Variants in FAM234A observed in about 807,000 individuals in gnomAD.
FAM234A encodes protein FAM234A.
In FAM234A, 42 loss-of-function variants were observed where a neutral mutation model predicts 49.1. That is an observed-to-expected ratio of 0.86 (90% CI 0.67 to 1.11). The LOEUF (loss-of-function observed/expected upper bound fraction) is 1.11, where lower values mean the gene tolerates loss of function less well. FAM234A is among the 50% of genes least tolerant of loss of function. The probability of loss-of-function intolerance (pLI) is 0.00; values close to 1 mark genes in which losing one functional copy is unlikely to be tolerated. For missense variants in FAM234A, 815 were observed against 745.2 expected (o/e 1.09, Z -1.09); for synonymous variants, 369 against 316.2 (o/e 1.17, Z -1.77).
At chr16:269,397 G>T, downstream of FAM234A, 1 of 1,596,782 alleles carries the variant, frequency 6.3e-7, no homozygotes. Flanking sequence ...TGGGCGAGAA[G>T]GCGGCTGAGA....
intron 11 of FAM234A, among the ~76,000 whole-genome samples, 172 bp from the exon 12 acceptor site, chr16:264,442 C>T (rs549090996): frequency 6.6e-6 from 1 of 152,304 alleles, no homozygotes; most frequent in South Asian, 2.1e-4. Flanking sequence ...GTGTCAGGAC[C>T]AGGTGGGGTG....
intron 2 of FAM234A, among the ~76,000 whole-genome samples, chr16:252,964 G>T (rs571632488): frequency 6.6e-6 from 1 of 152,160 alleles, no homozygotes; most frequent in Non-Finnish European, 1.5e-5. Flanking sequence ...AAATCTGCAT[G>T]ATCACGTCCA....
chr16:249,354 T>C (rs1244320982), intron 1 of FAM234A, among the ~76,000 whole-genome samples, 195 bp from the exon 2 acceptor site: 1 of 151,928 alleles, frequency 6.6e-6, no homozygotes, highest in Non-Finnish European at 1.5e-5. Flanking sequence ...CAGCAGCTGC[T>C]CCTGACTGGG....
At chr16:249,835 C>G (rs1345289725) in intron 2 of FAM234A, among the ~76,000 whole-genome samples, 181 bp downstream of exon 2, 6 of 152,034 alleles carry the variant, frequency 3.9e-5, no homozygotes, top group Admixed American at 3.3e-4. Flanking sequence ...TTTTAAAGCT[C>G]TTAAGTTTAA....
At chr16:257,339 G>C (rs1001388418) in intron 3 of FAM234A, among the ~76,000 whole-genome samples, 1 of 136,600 alleles carries the variant, frequency 7.3e-6, no homozygotes, top group African/African-American at 2.7e-5. Context: ...TCCACCTCCC[G>C]GGTTCAAGCG....
At chr16:268,611 C>G, downstream of FAM234A, 1 of 661,774 alleles carries the variant, frequency 1.5e-6, no homozygotes, top group Non-Finnish European at 2.6e-6. Flanking sequence ...TCAGAGTTGT[C>G]TATAAATCGG....
Position 249,538 on chromosome 16 carries a change from A to G in FAM234A, c.-139-11A>G, listed in dbSNP as rs546322776. ...TGAGCTGCACTTGACAAGTGGCTTT[A>G]TGATCCCTAGGTCCACCTGGGCTTG... On this transcript the variant is annotated splice_polypyrimidine_tract_variant and intron_variant, in intron 1 of 12. Transcript: ENST00000399932. 33 of 152,130 alleles carry G rather than the reference A, an allele frequency of 2.2e-4. 1 individual carries two copies. The highest frequency in any genetic ancestry group is 8.0e-4 in the African/African-American group (33 of 41,390). 9.4% of individuals were successfully genotyped at this position (152,130 alleles called of 1,614,324 possible).
chr16:242,155 A>ACAG (rs2142242661), intron 1 of FAM234A, among the ~76,000 whole-genome samples: 1 of 152,104 alleles, frequency 6.6e-6, no homozygotes, highest in Non-Finnish European at 1.5e-5. Flanking sequence ...TAGCCTGTGG[A>ACAG]CTCCCTGGAG....
At chr16:253,602 G>A (rs1158018410) in intron 2 of FAM234A, among the ~76,000 whole-genome samples, 1 of 151,954 alleles carries the variant, frequency 6.6e-6, no homozygotes, top group Non-Finnish European at 1.5e-5. Context: ...AGCCTCCCAA[G>A]TAGCTGGGAC....
intron 4 of FAM234A, 141 bp from the exon 5 acceptor site, chr16:259,828 A>G (rs1010200834): frequency 2.5e-6 from 2 of 810,116 alleles, no homozygotes; most frequent in Non-Finnish European, 4.0e-6. Context: ...AGCCTGCAAG[A>G]TACAGGAGAT....
intron 1 of FAM234A, among the ~76,000 whole-genome samples, chr16:243,949 T>TC (rs1358127331): frequency 2.0e-5 from 3 of 152,022 alleles, no homozygotes; most frequent in Admixed American, 2.0e-4. Context: ...ATCCGTTTTT[T>TC]CCCCACAGTG....
At chr16:268,709 G>T, downstream of FAM234A, 3 of 1,496,472 alleles carry the variant, frequency 2.0e-6, no homozygotes, top group Non-Finnish European at 2.7e-6. Flanking sequence ...GGAGGAATAG[G>T]CGCAGCTCCG....
At chr16:252,597 G>A (rs1217302063) in intron 2 of FAM234A, among the ~76,000 whole-genome samples, 6 of 152,094 alleles carry the variant, frequency 3.9e-5, no homozygotes, top group Admixed American at 3.3e-4. Context: ...CACAGCAGCG[G>A]CATCATTTTA....
At chr16:247,944 C>A (rs1288856041) in intron 1 of FAM234A, among the ~76,000 whole-genome samples, 1 of 152,108 alleles carries the variant, frequency 6.6e-6, no homozygotes, top group Non-Finnish European at 1.5e-5. Flanking sequence ...CACTGCGGGG[C>A]CTGACTGTCT....
chr16:253,536 G>C (rs973885909), intron 2 of FAM234A, among the ~76,000 whole-genome samples: 2 of 151,658 alleles, frequency 1.3e-5, no homozygotes, highest in Admixed American at 6.6e-5. Flanking sequence ...GTGCACTGGC[G>C]TGATCTCGGC....
intron 1 of FAM234A, among the ~76,000 whole-genome samples, chr16:239,646 G>A (rs2050543216): frequency 6.6e-6 from 1 of 151,206 alleles, no homozygotes; most frequent in Non-Finnish European, 1.5e-5. Flanking sequence ...ACACTAATTT[G>A]TGGGGGAGTT....
intron 1 of FAM234A, chr16:240,177 A>G (rs778248495): frequency 2.0e-5 from 3 of 152,184 alleles, no homozygotes; most frequent in African/African-American, 7.2e-5. Flanking sequence ...ATTTGTGTGT[A>G]TAGCAGCTGG....
At chr16:250,138 A>G (rs1360575985) in intron 2 of FAM234A, among the ~76,000 whole-genome samples, 1 of 152,124 alleles carries the variant, frequency 6.6e-6, no homozygotes, top group Non-Finnish European at 1.5e-5. Context: ...TCACCGTGTT[A>G]GCCAGGATGC....
chr16:269,595 A>G (rs2051823121), downstream of FAM234A: 2 of 1,608,456 alleles, frequency 1.2e-6, no homozygotes, highest in Non-Finnish European at 1.7e-6. Context: ...CCTACAAGAG[A>G]CAGCGTCCAG....
Sources: gnomAD v4.1 joint callset for allele counts (sites outside exome capture counted in the v4.1 genomes callset) on GRCh38, gnomAD v4.1.1 for gene constraint, MANE v1.5 for transcripts, NCBI Gene and HGNC (gene_info 2026-07-23, HGNC 2026-07-21) for gene names.